MYRIP: variants seen among roughly 807,000 people sequenced by gnomAD.
MYRIP encodes rab effector MyRIP.
In MYRIP, 49 loss-of-function variants were observed where a neutral mutation model predicts 98.0. The observed-to-expected ratio is 0.50, with a 90% CI of 0.40 to 0.63. MYRIP has a LOEUF of 0.63. MYRIP is among the 30% of genes least tolerant of loss of function. The probability of loss-of-function intolerance (pLI) is 0.00; values close to 1 mark genes in which losing one functional copy is unlikely to be tolerated. For synonymous variants in MYRIP, 404 were observed against 409.5 expected (o/e 0.99, Z 0.16); for missense variants, 1,004 against 1,058.2 (o/e 0.95, Z 0.71).
At chr3:40,116,863 T>G (rs1949293169) in intron 3 of MYRIP, among the ~76,000 whole-genome samples, 1 of 152,252 alleles carries the variant, frequency 6.6e-6, no homozygotes, top group African/African-American at 2.4e-5. Context: ...ATAACATTAT[T>G]GATTTTGCCA....
chr3:40,168,929 G>A (rs1194378887), intron 7 of MYRIP, among the ~76,000 whole-genome samples: 4 of 152,174 alleles, frequency 2.6e-5, no homozygotes, highest in Non-Finnish European at 4.4e-5. Flanking sequence ...TTTTGGTCAC[G>A]ATAATTCACA....
At chr3:39,876,361 T>C (rs530409707) in intron 1 of MYRIP, among the ~76,000 whole-genome samples, 8 of 152,356 alleles carry the variant, frequency 5.3e-5, no homozygotes, top group Non-Finnish European at 1.2e-4. Context: ...AATACTGTTA[T>C]GTGTGAATTT....
rs1413187310 is a variant in MYRIP, at chr3:40,111,096, C to G, written c.333-39952C>G. Among the ~76,000 whole-genome samples, 7 of 152,274 alleles carry G rather than the reference C, an allele frequency of 4.6e-5. No homozygotes were observed. The South Asian group carries it at 1.5e-3, about 32-fold the overall frequency. On this transcript the variant is annotated intron_variant, in intron 3 of 16. Transcript: ENST00000302541. ...GCAAAGTTAGACCCCAGGGTCCCCC[C>G]AGAAGGCAGTTCTTTGCACTTAGGT...
rs78967629 is a variant in MYRIP at position 40,133,853 on chromosome 3, G to A, written c.333-17195G>A. On this transcript the variant is annotated intron_variant, in intron 3 of 16. Transcript: ENST00000302541. ...ACCCATCTATAAGTCATATAGATTC[G>A]ACAACTCTCATGGGCCCACAAGCAT... Among the ~76,000 whole-genome samples the A allele has an allele frequency of 5.2e-3, 796 of 152,276 alleles. 7 individuals are homozygous for A. Among genetic ancestry groups the A allele is most frequent in the African/African-American group, 0.018 (728 of 41,566 alleles).
chr3:40,077,876 G>A (rs1575518921), intron 3 of MYRIP, among the ~76,000 whole-genome samples: 1 of 151,928 alleles, frequency 6.6e-6, no homozygotes, highest in Non-Finnish European at 1.5e-5. Context: ...GGCTGCAGGT[G>A]GGGCTGCAGG....
intron 2 of MYRIP, among the ~76,000 whole-genome samples, chr3:39,901,997 G>T (rs993639795): frequency 6.6e-6 from 1 of 152,108 alleles, no homozygotes; most frequent in Non-Finnish European, 1.5e-5. Flanking sequence ...GAGTGAGAAA[G>T]GGCATGAGTA....
chr3:39,963,105 C>T (rs1361440462), intron 2 of MYRIP, among the ~76,000 whole-genome samples: 5 of 152,046 alleles, frequency 3.3e-5, no homozygotes, highest in Non-Finnish European at 7.4e-5. Flanking sequence ...CTTTGGATTA[C>T]AAAGGGTCTG....
At chr3:40,205,898 C>G (rs1951780125) in intron 10 of MYRIP, among the ~76,000 whole-genome samples, 1 of 152,098 alleles carries the variant, frequency 6.6e-6, no homozygotes. Context: ...CTGCTCCTTT[C>G]TCTGAATTCA....
upstream of MYRIP, chr3:39,809,581 C>A (rs952667857): frequency 2.0e-5 from 3 of 151,252 alleles, no homozygotes; most frequent in African/African-American, 7.3e-5. Context: ...CTCGGCCGGG[C>A]CAGCAGGTGT....
At chr3:40,142,047 A>ATTTTTTTTTTTTTTTTTTTTTTTTTTTT (rs768094065) in intron 3 of MYRIP, among the ~76,000 whole-genome samples, 2 of 95,950 alleles carry the variant, frequency 2.1e-5, no homozygotes, top group African/African-American at 4.2e-5. Context: ...TATGCTGTTG[A>ATTTTTTTTTTTTTTTTTTTTTTTTTTTT]TTTTTTTTTT....
chr3:40,094,531 G>A (rs1017090413), intron 3 of MYRIP, among the ~76,000 whole-genome samples: 1 of 152,186 alleles, frequency 6.6e-6, no homozygotes, highest in African/African-American at 2.4e-5. Context: ...TCAGACATCT[G>A]CCTGCCCTAG....
At chr3:39,934,318 G>C (rs1329368923) in intron 2 of MYRIP, among the ~76,000 whole-genome samples, 1 of 152,096 alleles carries the variant, frequency 6.6e-6, no homozygotes, top group Non-Finnish European at 1.5e-5. Flanking sequence ...AGATGTGATA[G>C]GCTTTGTTTT....
At chr3:39,961,668 G>C (rs17067271) in intron 2 of MYRIP, among the ~76,000 whole-genome samples, 1 of 151,904 alleles carries the variant, frequency 6.6e-6, no homozygotes, top group African/African-American at 2.4e-5. Flanking sequence ...GAAATAACCC[G>C]TTACTAGTCG....
intron 1 of MYRIP, among the ~76,000 whole-genome samples, chr3:39,878,833 G>A (rs1943083662): frequency 6.6e-6 from 1 of 150,846 alleles, no homozygotes; most frequent in Non-Finnish European, 1.5e-5. Flanking sequence ...GAGGTAGGTG[G>A]ATCATGAGGT....
Position 39,825,129 on chromosome 3 carries a change from T to C in MYRIP, c.-31+15213T>C, listed in dbSNP as rs1013722920. Among the ~76,000 whole-genome samples the C allele has an allele frequency of 1.6e-4, 25 of 152,328 alleles. 1 individual carries two copies. In the Middle Eastern group the frequency reaches 0.017, roughly 104 times the overall value. ...ATTTTGATTTTTTGCTATATAAGAT[T>C]ATGTCATCTGCAGAGACAACTTGAC... On this transcript the variant is annotated intron_variant, in intron 1 of 16. Coordinates refer to ENST00000302541, the MANE Select transcript of MYRIP (RefSeq NM_015460.4).
At chr3:39,872,294 C>T (rs1022937006) in intron 1 of MYRIP, among the ~76,000 whole-genome samples, 3 of 151,450 alleles carry the variant, frequency 2.0e-5, no homozygotes, top group Non-Finnish European at 4.4e-5. Flanking sequence ...ATCATTGTCT[C>T]TTACTGTATT....
intron 1 of MYRIP, among the ~76,000 whole-genome samples, chr3:39,852,538 A>ACTCCCCCCCCCCCCC (rs1942160672): frequency 1.4e-5 from 2 of 146,710 alleles, no homozygotes; most frequent in African/African-American, 5.1e-5. Flanking sequence ...TCATCACCCC[A>ACTCCCCCCCCCCCCC]CTCCCCCCTT....
At chr3:39,917,447 TA>T (rs1384834103) in intron 2 of MYRIP, among the ~76,000 whole-genome samples, 2 of 120,346 alleles carry the variant, frequency 1.7e-5, no homozygotes, top group African/African-American at 3.3e-5. Context: ...AAAGAAAATT[TA>T]AAAAAAATAA....
rs1952133709 is a variant in MYRIP at position 40,216,786 on chromosome 3, G to A, written c.1905+6693G>A. 1.3e-5 allele frequency among the ~76,000 whole-genome samples: 2 copies of A among 152,140 alleles called. 1 individual carries two copies. The highest frequency in any genetic ancestry group is 4.1e-4 in the South Asian group (2 of 4,832). On this transcript the variant is annotated intron_variant, in intron 11 of 16. Transcript: ENST00000302541. ...GAAGAAAATCCACTTCAAAGCACCA[G>A]AATCCCTGGATTTTTTTTCTTAATG... is the stretch of plus-strand genomic sequence containing the variant.
Sources: gnomAD v4.1 joint callset for allele counts (sites outside exome capture counted in the v4.1 genomes callset) on GRCh38, gnomAD v4.1.1 for gene constraint, MANE v1.5 for transcripts, NCBI Gene and HGNC (gene_info 2026-07-23, HGNC 2026-07-21) for gene names.